CIMIP2C: variants seen among roughly 807,000 people sequenced by gnomAD.
CIMIP2C encodes UPF0573 protein C2orf70.
At chr2:26,575,834 C>A in the CIMIP2C span, 1 of 1,539,596 alleles carries the variant, frequency 6.5e-7, no homozygotes, top group Non-Finnish European at 8.8e-7. Context: ...CTTTTAAGGG[C>A]CTCTCTTGGA....
chr2:26,571,692 C>A, the CIMIP2C span, among the ~76,000 whole-genome samples: 1 of 152,100 alleles, frequency 6.6e-6, no homozygotes, highest in African/African-American at 2.4e-5. Context: ...CCAGGGTCAA[C>A]GTTTGGTGCA....
chr2:26,575,067 A>G, the CIMIP2C span, among the ~76,000 whole-genome samples: 1 of 152,186 alleles, frequency 6.6e-6, no homozygotes, highest in African/African-American at 2.4e-5. Context: ...AGCGAGTCTC[A>G]TTTAACCAAG....
the CIMIP2C span, chr2:26,577,977 C>T: frequency 3.4e-6 from 1 of 292,398 alleles, no homozygotes. Context: ...GGCGCCGATG[C>T]AGAGCGCAGT....
the CIMIP2C span, among the ~76,000 whole-genome samples, chr2:26,575,323 GC>G: frequency 6.6e-6 from 1 of 152,284 alleles, no homozygotes; most frequent in African/African-American, 2.4e-5. Context: ...CACTGACCGG[GC>G]CCCCCACCCA....
At chr2:26,579,207 A>C in the CIMIP2C span, 2 of 1,526,508 alleles carry the variant, frequency 1.3e-6, no homozygotes, top group South Asian at 2.4e-5. Context: ...CTTGAGCTGG[A>C]AAGTGGGCAC....
At chr2:26,579,441 C>T in the CIMIP2C span, 3 of 1,613,346 alleles carry the variant, frequency 1.9e-6, no homozygotes, top group Non-Finnish European at 2.5e-6. Flanking sequence ...GAGCATGAGA[C>T]TTTTAGTTCA....
chr2:26,579,350 T>A, the CIMIP2C span: 2 of 1,612,660 alleles, frequency 1.2e-6, no homozygotes. Flanking sequence ...CCCGAGAACC[T>A]GAAGACCTAC....
the CIMIP2C span, among the ~76,000 whole-genome samples, chr2:26,576,491 C>T: frequency 1.3e-5 from 2 of 152,200 alleles, no homozygotes; most frequent in African/African-American, 4.8e-5. Context: ...ACCTTCTGCC[C>T]CCTGGAGTCT....
the CIMIP2C span, among the ~76,000 whole-genome samples, chr2:26,574,231 C>T: frequency 6.6e-6 from 1 of 152,112 alleles, no homozygotes; most frequent in African/African-American, 2.4e-5. Flanking sequence ...AATGCCACGC[C>T]GAGGATCTGA....
At chr2:26,572,321 C>A in the CIMIP2C span, among the ~76,000 whole-genome samples, 2 of 150,304 alleles carry the variant, frequency 1.3e-5, no homozygotes, top group Admixed American at 1.3e-4. Context: ...ACCACTCATT[C>A]TAACAGAGGC....
chr2:26,568,506 G>A, the CIMIP2C span, among the ~76,000 whole-genome samples: 3 of 152,336 alleles, frequency 2.0e-5, no homozygotes, highest in Admixed American at 6.5e-5. Flanking sequence ...AGGGGCTCCT[G>A]GAGACTTGGG....
the CIMIP2C span, among the ~76,000 whole-genome samples, chr2:26,576,470 C>T: frequency 6.6e-6 from 1 of 152,186 alleles, no homozygotes; most frequent in Non-Finnish European, 1.5e-5. Context: ...TGTCTCTAGG[C>T]TCCTGCCCTT....
the CIMIP2C span, among the ~76,000 whole-genome samples, chr2:26,565,248 A>AGCCG: frequency 6.6e-6 from 1 of 151,842 alleles, no homozygotes; most frequent in East Asian, 1.9e-4. Flanking sequence ...GCGCCACCAC[A>AGCCG]GCCGGCTAAT....
the CIMIP2C span, among the ~76,000 whole-genome samples, chr2:26,573,766 G>A: frequency 2.0e-5 from 3 of 152,236 alleles, no homozygotes; most frequent in Non-Finnish European, 4.4e-5. Context: ...ATCCAGGGAT[G>A]TGAGTAGTGA....
chr2:26,566,672 C>G, the CIMIP2C span, among the ~76,000 whole-genome samples: 1 of 152,170 alleles, frequency 6.6e-6, no homozygotes, highest in African/African-American at 2.4e-5. Context: ...AGTAACGTGG[C>G]AAAATAATTA....
chr2:26,577,561 G>A, the CIMIP2C span: 2 of 1,614,026 alleles, frequency 1.2e-6, no homozygotes, highest in African/African-American at 1.3e-5. Context: ...GACGGGCACA[G>A]TGCCTCGAGT....
chr2:26,571,969 T>A, the CIMIP2C span: 1 of 709,208 alleles, frequency 1.4e-6, no homozygotes, highest in African/African-American at 2.1e-5. Context: ...AATGGAAGAA[T>A]AAGTAGATTT....
the CIMIP2C span, chr2:26,577,691 C>A: frequency 1.6e-6 from 2 of 1,221,322 alleles, no homozygotes; most frequent in Non-Finnish European, 2.4e-6. Flanking sequence ...CACCTGCTCT[C>A]GGCCAGGCAT....
the CIMIP2C span, among the ~76,000 whole-genome samples, chr2:26,568,127 T>C: frequency 6.6e-6 from 1 of 152,188 alleles, no homozygotes; most frequent in Non-Finnish European, 1.5e-5. Flanking sequence ...AAAAGATCAT[T>C]GTCCCAGATT....
Sources: gnomAD v4.1 joint callset for allele counts (sites outside exome capture counted in the v4.1 genomes callset) on GRCh38, gnomAD v4.1.1 for gene constraint, MANE v1.5 for transcripts, NCBI Gene and HGNC (gene_info 2026-07-23, HGNC 2026-07-21) for gene names.